The following KIDINS220 variants were observed in gnomAD, a reference collection of about 807,000 sequenced individuals.
KIDINS220 encodes kinase D-interacting substrate of 220 kDa.
Under a neutral mutation model 157.6 loss-of-function variants are expected in KIDINS220, and 63 were observed. That is an observed-to-expected ratio of 0.40 (90% CI 0.33 to 0.49). The LOEUF is 0.49. Ranked by LOEUF, KIDINS220 falls within the 20% of genes least tolerant of loss-of-function variation. The pLI, the probability that KIDINS220 is intolerant of heterozygous loss-of-function variation, is 0.66. For synonymous variants in KIDINS220, 732 were observed against 783.6 expected (o/e 0.93, Z 1.10); for missense variants, 1,772 against 2,171.2 (o/e 0.82, Z 3.65).
At chr2:8,788,561 A>G in intron 15 of KIDINS220, 86 bp downstream of exon 15, 1 of 1,325,948 alleles carries the variant, frequency 7.5e-7, no homozygotes. Flanking sequence ...GAGCCACCAC[A>G]CCCGGCTCCT....
intron 22 of KIDINS220, among the ~76,000 whole-genome samples, chr2:8,768,861 TTATTA>T (rs1453866216): frequency 2.0e-5 from 3 of 152,198 alleles, no homozygotes; most frequent in African/African-American, 7.2e-5. Context: ...TTCCAAATCC[TTATTA>T]TATATAATTA....
At chr2:8,760,636 T>C (rs1171425169) in intron 22 of KIDINS220, among the ~76,000 whole-genome samples, 1 of 152,204 alleles carries the variant, frequency 6.6e-6, no homozygotes, top group Non-Finnish European at 1.5e-5. Flanking sequence ...CAAAACTAAT[T>C]AGAGAAATAA....
intron 6 of KIDINS220, among the ~76,000 whole-genome samples, chr2:8,811,134 T>A (rs1676245073): frequency 6.6e-6 from 1 of 152,156 alleles, no homozygotes; most frequent in Admixed American, 6.5e-5. Context: ...CTTAAAGAAA[T>A]TTATGCACAG....
At chr2:8,805,656 A>G (rs1406141632) in intron 7 of KIDINS220, among the ~76,000 whole-genome samples, 2 of 152,216 alleles carry the variant, frequency 1.3e-5, no homozygotes, top group Non-Finnish European at 2.9e-5. Flanking sequence ...GGAACCACGG[A>G]CAAAAACCAA....
Position 8,779,942 on chromosome 2 carries a change from T to C in KIDINS220, c.2230-128A>G. On this transcript the variant is annotated intron_variant, in intron 17 of 29. Transcript: ENST00000256707. ...GACATTCAAAGTCCTTGCTGCCAGT[T>C]GTGCTTCCACTTAAAATAAGAGCGA... is the stretch of plus-strand genomic sequence containing the variant. 3.3e-6 allele frequency: 3 copies of C among 913,814 alleles called. No homozygotes were observed. In the South Asian group the frequency reaches 5.1e-5, roughly 16 times the overall value. The allele number at this position is 913,814 out of a possible 1,614,324, so 56.6% of individuals were successfully genotyped here.
chr2:8,746,153 A>AGT (rs994755976), intron 26 of KIDINS220, among the ~76,000 whole-genome samples: 22 of 148,412 alleles, frequency 1.5e-4, no homozygotes, highest in Non-Finnish European at 2.7e-4. Context: ...CCGAGGCTGG[A>AGT]GTGCAGCGGT....
intron 27 of KIDINS220, among the ~76,000 whole-genome samples, chr2:8,736,040 C>A (rs911347101): frequency 5.3e-5 from 8 of 152,216 alleles, no homozygotes; most frequent in Non-Finnish European, 1.2e-4. Context: ...CACGAGCCAG[C>A]TCTGTAAGGA....
At chr2:8,817,138 G>A (rs1677190552) in intron 4 of KIDINS220, among the ~76,000 whole-genome samples, 1 of 152,156 alleles carries the variant, frequency 6.6e-6, no homozygotes, top group South Asian at 2.1e-4. Context: ...ACTCAAGTAA[G>A]AGCTAAGTAA....
chr2:8,746,978 A>T, intron 26 of KIDINS220, 167 bp downstream of exon 26: 1 of 552,776 alleles, frequency 1.8e-6, no homozygotes, highest in Non-Finnish European at 3.2e-6. Flanking sequence ...TCCGCTTTTT[A>T]ATTAATTCAG....
In KIDINS220 at chr2:8,747,901, G is replaced by C. The variant is rs768490849; in HGVS notation, c.3514C>G (p.Gln1172Glu). The C allele has an allele frequency of 6.2e-7, 1 of 1,600,392 alleles. No individual in the cohort carries two copies. The highest frequency in any genetic ancestry group is 1.1e-5 in the South Asian group (1 of 89,196). ...TATATACTTACTAGGCCATTGTTCTGATCTCTGGGCAAACTCGTTTTTACT... is the reference window on the plus strand; with the variant it reads ...TATATACTTACTAGGCCATTGTTCTCATCTCTGGGCAAACTCGTTTTTACT... ...PSVKTSLPRD[Q>E]NNGLEVIKED... Residue 1172 changes from glutamine to glutamate, a missense_variant, in exon 25 of 30, where the codon CAG (glutamine) becomes GAG (glutamate). By Grantham distance (29) the Gln-to-Glu change is conservative (BLOSUM62 2). Coordinates refer to ENST00000256707, the MANE Select transcript of KIDINS220 (RefSeq NM_020738.4).
At position 8,757,133 on chromosome 2, in the gene KIDINS220, A is replaced by C; in HGVS notation, c.3012-5489T>G. 3 of 376,774 alleles carry C rather than the reference A, an allele frequency of 8.0e-6. No homozygotes were observed. The South Asian group carries it at 3.3e-4, about 42-fold the overall frequency. The allele number at this position is 376,774 out of a possible 1,614,324, so 23.3% of individuals were successfully genotyped here. On this transcript the variant is annotated intron_variant, in intron 22 of 29. Coordinates refer to ENST00000256707, the MANE Select transcript of KIDINS220 (RefSeq NM_020738.4). Reference sequence around the variant, plus strand: ...AAATTCATTTTAGGAAAAAAAAAAGAGTTAAGATATTTACTAGTGTTTATA... The same window carrying C: ...AAATTCATTTTAGGAAAAAAAAAAGCGTTAAGATATTTACTAGTGTTTATA...
At chr2:8,790,862 G>A (rs1019725597) in intron 13 of KIDINS220, among the ~76,000 whole-genome samples, 198 bp downstream of exon 13, 8 of 152,130 alleles carry the variant, frequency 5.3e-5, no homozygotes, top group Non-Finnish European at 8.8e-5. Context: ...GTTTTATGTG[G>A]GGTTATCACA....
Position 8,785,790 on chromosome 2 carries a change from T to A in KIDINS220, c.2180A>T (p.His727Leu). The change falls in exon 17 of 30, where the codon CAT becomes CTT. Residue 727 changes from histidine (H) to leucine (L), a missense_variant. By Grantham distance (99) the His-to-Leu change is moderately conservative. Transcript: ENST00000256707. The part of the protein sequence containing the change: ...SLLNSQRKRL[H>L]NAASKLHKLK... ...TTTGTGCAGTTTGGAGGCTGCATTA[T>A]GGAGGCGTTTTCTTTGGGAATTCAG... 6.2e-7 allele frequency: 1 copy of A among 1,614,100 alleles called. No homozygotes were observed. The highest frequency in any genetic ancestry group is 8.5e-7 in the Non-Finnish European group (1 of 1,180,002).
intron 21 of KIDINS220, among the ~76,000 whole-genome samples, chr2:8,774,990 G>A (rs1288172569): frequency 6.6e-6 from 1 of 152,108 alleles, no homozygotes; most frequent in Non-Finnish European, 1.5e-5. Flanking sequence ...TCTGATGAGG[G>A]TGGTATGCCA....
intron 29 of KIDINS220, among the ~76,000 whole-genome samples, chr2:8,732,789 G>A (rs1664315618): frequency 6.6e-6 from 1 of 152,072 alleles, no homozygotes; most frequent in Non-Finnish European, 1.5e-5. Flanking sequence ...CCCACTCAGT[G>A]TTACTCGCTG....
At chr2:8,736,103 G>A (rs1353966999) in intron 27 of KIDINS220, among the ~76,000 whole-genome samples, 1 of 152,200 alleles carries the variant, frequency 6.6e-6, no homozygotes, top group African/African-American at 2.4e-5. Flanking sequence ...GTAAAATGGT[G>A]TCTACATATG....
chr2:8,766,941 C>T (rs1669569493), intron 22 of KIDINS220, among the ~76,000 whole-genome samples: 1 of 152,180 alleles, frequency 6.6e-6, no homozygotes, highest in Non-Finnish European at 1.5e-5. Context: ...GCCAGAAATG[C>T]ACATTGAATG....
rs567323224 is a variant in KIDINS220, at chr2:8,778,835, C to T, written c.2614+61G>A. On this transcript the variant is annotated intron_variant, in intron 19 of 29. Coordinates refer to ENST00000256707, the MANE Select transcript of KIDINS220 (RefSeq NM_020738.4). ...TATTTTTCAAGGTAAAAAGGAGAGT[C>T]GCCATAAAGAAACTACAAAACTATT... is the stretch of plus-strand genomic sequence containing the variant. 72 of 1,600,206 alleles carry T rather than the reference C, an allele frequency of 4.5e-5. 3 individuals carry two copies. The South Asian group carries it at 6.9e-4, about 15-fold the overall frequency.
chr2:8,730,849 T>C lies in KIDINS220; in HGVS notation c.5187A>G (p.Leu1729=). The change falls in exon 30 of 30, where the codon CTA becomes CTG. Residue 1729 remains leucine, a synonymous_variant. Transcript: ENST00000256707. ...GGCTTCGCTTATGTGTCATGCTTTT[T>C]AGATTCTCATTCTGAATAGTGGTTG... ...PNPTTIQNEN[L]KSMTHKRSQR... 6.2e-7 allele frequency: 1 copy of C among 1,614,238 alleles called. No homozygotes were observed. The highest frequency in any genetic ancestry group is 8.5e-7 in the Non-Finnish European group (1 of 1,180,042).
Sources: allele counts gnomAD v4.1 joint callset (sites outside exome capture counted in the v4.1 genomes callset), GRCh38; gene constraint gnomAD v4.1.1; transcripts MANE v1.5; gene names NCBI Gene and HGNC (gene_info 2026-07-23, HGNC 2026-07-21).